LRRFIP2: variants seen among roughly 807,000 people sequenced by gnomAD.
The protein encoded by LRRFIP2 is leucine-rich repeat flightless-interacting protein 2.
In LRRFIP2, 109 loss-of-function variants were observed where a neutral mutation model predicts 125.9. That is an observed-to-expected ratio of 0.87 (90% CI 0.74 to 1.01). The LOEUF is 1.01. Ranked by LOEUF, LRRFIP2 falls within the 50% of genes least tolerant of loss-of-function variation. The probability of loss-of-function intolerance (pLI) is 0.00; values close to 1 mark genes in which losing one functional copy is unlikely to be tolerated. For synonymous variants in LRRFIP2, 291 were observed against 293.1 expected, an observed-to-expected ratio of 0.99 and a Z score of 0.07; for missense variants, 850 against 862.3, an observed-to-expected ratio of 0.99 and a Z score of 0.18.
chr3:37,104,842 C>CTT (rs879779918), intron 14 of LRRFIP2, among the ~76,000 whole-genome samples: 2 of 144,888 alleles, frequency 1.4e-5, no homozygotes, highest in Non-Finnish European at 3.0e-5. Context: ...GTTCACAAGT[C>CTT]TTTTTTTTTT....
intron 18 of LRRFIP2, among the ~76,000 whole-genome samples, chr3:37,088,273 C>T (rs780394937): frequency 1.3e-5 from 2 of 152,120 alleles, no homozygotes; most frequent in Non-Finnish European, 2.9e-5. Context: ...CAAGACTTAC[C>T]CCTACAGTCT....
At chr3:37,107,267 T>C (rs1356188899) in intron 13 of LRRFIP2, among the ~76,000 whole-genome samples, 2 of 152,142 alleles carry the variant, frequency 1.3e-5, no homozygotes, top group Non-Finnish European at 2.9e-5. Flanking sequence ...AAGAATGTGC[T>C]AATATGAAAC....
intron 2 of LRRFIP2, among the ~76,000 whole-genome samples, chr3:37,138,436 T>A (rs1560022491): frequency 6.6e-6 from 1 of 152,292 alleles, no homozygotes; most frequent in South Asian, 2.1e-4. Context: ...TAAATTGAAT[T>A]TCACTTGAGA....
At chr3:37,171,060 T>G (rs946507895) in intron 1 of LRRFIP2, 1 of 152,226 alleles carries the variant, frequency 6.6e-6, no homozygotes, top group Non-Finnish European at 1.5e-5. Flanking sequence ...GGCATCAGAG[T>G]GAGACCCTGT....
intron 21 of LRRFIP2, chr3:37,066,655 T>C (rs2090218431): frequency 9.5e-6 from 2 of 210,174 alleles, no homozygotes; most frequent in East Asian, 1.1e-4. Flanking sequence ...CAGAGTAAAA[T>C]AAAGCTTTCC....
At chr3:37,172,284 T>C (rs2096596143) in intron 1 of LRRFIP2, among the ~76,000 whole-genome samples, 2 of 152,148 alleles carry the variant, frequency 1.3e-5, no homozygotes, top group African/African-American at 4.8e-5. Context: ...CAATAGAAAA[T>C]GGTAAAATAA....
In LRRFIP2 at chr3:37,072,895, A is replaced by T; in HGVS notation, c.1372-13T>A. The T allele has an allele frequency of 6.4e-7, 1 of 1,561,988 alleles. No individual in the cohort carries two copies. The highest frequency in any genetic ancestry group is 8.8e-7 in the Non-Finnish European group (1 of 1,138,022). ...TGCGCTGCTTCTCCTGCAGAGGAAG[A>T]GGGGAAGAGAAGTAATAAAAGAGCA... On this transcript the variant is annotated splice_polypyrimidine_tract_variant and intron_variant, in intron 20 of 27. Coordinates refer to ENST00000336686, the MANE Select transcript of LRRFIP2 (RefSeq NM_006309.4).
chr3:37,159,828 GAA>G (rs111830518), intron 1 of LRRFIP2, among the ~76,000 whole-genome samples: 5 of 104,324 alleles, frequency 4.8e-5, no homozygotes, highest in Admixed American at 1.0e-4. Flanking sequence ...ATTTCTGGAA[GAA>G]AAAAAAAAAA....
At chr3:37,087,830 CCACCCACCT>C (rs144238199) in intron 18 of LRRFIP2, among the ~76,000 whole-genome samples, 6,665 of 152,206 alleles carry the variant, frequency 0.044, 245 homozygotes, top group African/African-American at 0.1. Context: ...CTCAGGTGAT[CCACCCACCT>C]CAGCCTCCCC....
intron 7 of LRRFIP2, among the ~76,000 whole-genome samples, chr3:37,113,331 AG>A (rs2149460036): frequency 6.6e-6 from 1 of 152,240 alleles, no homozygotes; most frequent in African/African-American, 2.4e-5. Flanking sequence ...CAATAGAAAC[AG>A]GGTCTCACTC....
intron 6 of LRRFIP2, among the ~76,000 whole-genome samples, chr3:37,115,300 T>C (rs982760795): frequency 1.3e-5 from 2 of 152,246 alleles, no homozygotes; most frequent in African/African-American, 4.8e-5. Flanking sequence ...ACTGTATGTA[T>C]ATTCAAAACT....
chr3:37,086,649 A>T (rs2093066943), intron 18 of LRRFIP2, among the ~76,000 whole-genome samples: 1 of 152,190 alleles, frequency 6.6e-6, no homozygotes. Flanking sequence ...CATTTGTATA[A>T]AATCTCCAGA....
intron 4 of LRRFIP2, among the ~76,000 whole-genome samples, 180 bp from the exon 5 acceptor site, chr3:37,121,871 T>C (rs1005959013): frequency 4.0e-5 from 6 of 151,430 alleles, no homozygotes; most frequent in Admixed American, 6.6e-5. Context: ...TGTGTGTGTG[T>C]GTGTGTGTGT....
chr3:37,136,823 T>C (rs1395696973), intron 2 of LRRFIP2, among the ~76,000 whole-genome samples: 6 of 152,130 alleles, frequency 3.9e-5, no homozygotes, highest in Admixed American at 3.3e-4. Flanking sequence ...CCTTTGCTCT[T>C]GATACTTATA....
At chr3:37,116,451 TA>T (rs1378810133) in intron 6 of LRRFIP2, among the ~76,000 whole-genome samples, 1 of 152,124 alleles carries the variant, frequency 6.6e-6, no homozygotes, top group Non-Finnish European at 1.5e-5. Context: ...ACCAGCATTT[TA>T]AAAACTAAAC....
At chr3:37,076,822 C>T (rs963602506) in intron 19 of LRRFIP2, among the ~76,000 whole-genome samples, 6 of 150,416 alleles carry the variant, frequency 4.0e-5, no homozygotes, top group African/African-American at 1.5e-4. Context: ...GCCGAGATTG[C>T]GCCATTGCAC....
intron 17 of LRRFIP2, 49 bp from the exon 18 acceptor site, chr3:37,091,587 T>C (rs1262860665): frequency 7.7e-7 from 1 of 1,295,488 alleles, no homozygotes. Flanking sequence ...CACAAACGTA[T>C]CTTAAATCGC....
chr3:37,138,222 T>C (rs2095606058), intron 2 of LRRFIP2, among the ~76,000 whole-genome samples: 1 of 152,240 alleles, frequency 6.6e-6, no homozygotes, highest in African/African-American at 2.4e-5. Flanking sequence ...TATTTAAATT[T>C]GGATTTTGTT....
chr3:37,157,361 T>A (rs1363188217), intron 1 of LRRFIP2, among the ~76,000 whole-genome samples: 3 of 152,034 alleles, frequency 2.0e-5, no homozygotes, highest in African/African-American at 7.3e-5. Context: ...AAGGATTGCT[T>A]GAACCCAGGA....
Sources: allele counts gnomAD v4.1 joint callset (sites outside exome capture counted in the v4.1 genomes callset), GRCh38; gene constraint gnomAD v4.1.1; transcripts MANE v1.5; gene names NCBI Gene and HGNC (gene_info 2026-07-23, HGNC 2026-07-21).